The following SENP3 variants were observed in gnomAD, a reference collection of about 807,000 sequenced individuals.
The protein encoded by SENP3 is SUMO specific peptidase 3, also known as sentrin-specific protease 3.
SENP3 carries 11 observed loss-of-function variants against 66.2 expected under a neutral mutation model. The ratio of observed to expected loss-of-function variants is 0.17; its 90% CI spans 0.10 to 0.28. The LOEUF (loss-of-function observed/expected upper bound fraction) is 0.28. Among genes scored for constraint, SENP3 ranks in the 10% least tolerant of loss-of-function variants. SENP3 has a pLI of 1.00. For missense variants in SENP3, 548 were observed against 743.7 expected (o/e 0.74, Z 3.06); for synonymous variants, 292 against 277.6 (o/e 1.05, Z -0.52).
At chr17:7,564,351 A>AATATCCC (rs2071250395) in intron 2 of SENP3, 1 of 588,312 alleles carries the variant, frequency 1.7e-6, no homozygotes, top group Admixed American at 2.3e-5. Flanking sequence ...AGTGGTGACA[A>AATATCCC]ATATCCCGAA....
At chr17:7,565,988 A>G (rs1387128855) in intron 6 of SENP3, 7 of 503,928 alleles carry the variant, frequency 1.4e-5, no homozygotes, top group Admixed American at 1.3e-4. Flanking sequence ...GGCCAGCCCC[A>G]AGGATTGGGA....
intron 4 of SENP3, 159 bp downstream of exon 4, chr17:7,565,229 G>A: frequency 1.3e-6 from 1 of 789,714 alleles, no homozygotes; most frequent in East Asian, 2.7e-5. Context: ...GGAAGCTGAT[G>A]GGAGAGTCTT....
rs2071243114 is a variant in SENP3, at chr17:7,563,709, G to A, written c.633G>A (p.Gly211=). 9.3e-6 allele frequency: 15 copies of A among 1,612,924 alleles called. No homozygotes were observed. Among genetic ancestry groups the A allele is most frequent in the Non-Finnish European group, 1.2e-5 (14 of 1,179,812 alleles). The change falls in exon 2 of 11, where the codon GGG becomes GGA. Residue 211 remains glycine (G), a synonymous_variant. Coordinates refer to ENST00000321337, the MANE Select transcript of SENP3 (RefSeq NM_015670.6). ...GALMAEDGVR[G]SPPVPSGPPM... ...TCATGGCTGAGGATGGGGTGAGAGG[G>A]TCTCCACCAGTGCCCTCTGGGCCCC...
rs976646608 is a variant in SENP3, at chr17:7,564,395, C to G, written c.716-230C>G. 4.3e-6 allele frequency: 3 copies of G among 700,958 alleles called. No individual in the cohort carries two copies. The Admixed American group carries it at 6.5e-5, about 15-fold the overall frequency. 43.4% of individuals were successfully genotyped at this position (700,958 alleles called of 1,614,324 possible). The stretch of plus-strand genomic sequence containing the variant: ...TTCTAAATGCTAATCCTTTTTCTTT[C>G]TTCCTGTCTATGAGTAGGAACTCTC... On this transcript the variant is annotated intron_variant, in intron 2 of 10. Coordinates refer to ENST00000321337, the MANE Select transcript of SENP3 (RefSeq NM_015670.6).
rs746904318 is a variant in SENP3 at position 7,563,600 on chromosome 17, C to T, written c.524C>T (p.Ala175Val). ...KNHLSPQQGG[A>V]TPQVPSPCCR... ...CATCTTTCACCCCAGCAAGGGGGTG[C>T]GACGCCACAGGTGCCATCCCCCTGT... is the stretch of plus-strand genomic sequence containing the variant. The change falls in exon 2 of 11, where the codon GCG becomes GTG. Residue 175 changes from alanine (A) to valine (V), a missense_variant. Ala to Val is a moderately conservative substitution (Grantham distance 64). This residue lies in a region of SENP3 where 215 missense variants were observed against 230.7 expected (regional missense o/e 0.93). Coordinates refer to ENST00000321337, the MANE Select transcript of SENP3 (RefSeq NM_015670.6). 5 of 1,575,362 alleles carry T rather than the reference C, an allele frequency of 3.2e-6. No individual in the cohort carries two copies. Among genetic ancestry groups the T allele is most frequent in the Non-Finnish European group, 3.4e-6 (4 of 1,161,978 alleles).
chr17:7,564,984 G>A lies in SENP3; in HGVS notation c.981G>A (p.Thr327=), dbSNP rs1288074511. The A allele has an allele frequency of 5.6e-6, 9 of 1,613,268 alleles. No individual in the cohort carries two copies. The highest frequency in any genetic ancestry group is 2.7e-5 in the African/African-American group (2 of 74,898). ...GCATCTTGGACGAATTCCTTCAAACGTATGGCAGCCTCATACCCCTCAGCA... is the reference window on the plus strand; with the variant it reads ...GCATCTTGGACGAATTCCTTCAAACATATGGCAGCCTCATACCCCTCAGCA... ...VQSILDEFLQ[T]YGSLIPLSTD... Residue 327 remains threonine (T), a synonymous_variant, in exon 4 of 11, where the codon ACG becomes ACA. Transcript: ENST00000321337.
rs2071245991 is a variant in SENP3, at chr17:7,563,935, A to G, written c.715+144A>G. 5.6e-6 allele frequency: 4 copies of G among 716,926 alleles called. No homozygotes were observed. In the South Asian group the frequency reaches 7.7e-5, roughly 14 times the overall value. 44.4% of individuals were successfully genotyped at this position (716,926 alleles called of 1,614,324 possible). On this transcript the variant is annotated intron_variant, in intron 2 of 10. Transcript: ENST00000321337. ...GTGCCGGCTCCAGAAGAGCTGCGAA[A>G]TGTCTCCATTAAGCCCCACTTTGAG...
Position 7,570,870 on chromosome 17 carries a change from T to G in SENP3, c.1564-13T>G, listed in dbSNP as rs375549203. On this transcript the variant is annotated splice_polypyrimidine_tract_variant and intron_variant, in intron 9 of 10. Coordinates refer to ENST00000321337, the MANE Select transcript of SENP3 (RefSeq NM_015670.6). This position sits in a 1 kb window ranked among gnomAD's most constrained non-coding sequence, Gnocchi z 5.4. ...TCTCCATGTGAAGGGCCTGCTTTCT[T>G]TCTCTTCTCTAGAATGTGGCCAGGC... 8 of 1,612,600 alleles carry G rather than the reference T, an allele frequency of 5.0e-6. No individual in the cohort carries two copies. In the East Asian group the frequency reaches 1.6e-4, roughly 31 times the overall value.
Position 7,562,732 on chromosome 17 carries a change from G to A in SENP3, c.-11-334G>A, listed in dbSNP as rs2071229176. Among the ~76,000 whole-genome samples the A allele has an allele frequency of 6.6e-6, 1 of 152,130 alleles. No individual in the cohort carries two copies. Among genetic ancestry groups the A allele is most frequent in the Non-Finnish European group, 1.5e-5 (1 of 68,012 alleles). ...CCTGAGGAAAGAAACTGCCCTTGTT[G>A]GGCCCTCAAAGGACAGCCCTGGTGG... is the stretch of plus-strand genomic sequence containing the variant. On this transcript the variant is annotated intron_variant, in intron 1 of 10. Transcript: ENST00000321337. This position sits in a 1 kb window ranked among gnomAD's most constrained non-coding sequence, Gnocchi z 5.0.
intron 6 of SENP3, chr17:7,565,991 G>A (rs529978041): frequency 6.7e-4 from 329 of 493,068 alleles, no homozygotes; most frequent in Non-Finnish European, 1.1e-3. Context: ...CAGCCCCAAG[G>A]ATTGGGATGG....
chr17:7,568,347 C>T (rs1425965365), intron 7 of SENP3, among the ~76,000 whole-genome samples: 6 of 152,240 alleles, frequency 3.9e-5, no homozygotes, highest in South Asian at 2.1e-4. Context: ...CCTGTACTCC[C>T]GGCACTTTGG....
Position 7,570,591 on chromosome 17 carries a change from C to G in SENP3, c.1480-90C>G. 1.3e-6 allele frequency: 2 copies of G among 1,567,926 alleles called. No homozygotes were observed. The highest frequency in any genetic ancestry group is 1.1e-5 in the South Asian group (1 of 87,146). ...GGGCTTTGGGTCTTTGAGGGGCGAC[C>G]TGGGCATGGTGTCTGCCAGCACTGT... On this transcript the variant is annotated intron_variant, in intron 8 of 10. Coordinates refer to ENST00000321337, the MANE Select transcript of SENP3 (RefSeq NM_015670.6). The surrounding 1 kb of genome is among the most constrained non-coding windows in gnomAD (Gnocchi z 5.4).
At position 7,570,661 on chromosome 17, in the gene SENP3, C is replaced by CT; in HGVS notation, c.1480-16dup. On this transcript the variant is annotated intron_variant, in intron 8 of 10. Coordinates refer to ENST00000321337, the MANE Select transcript of SENP3 (RefSeq NM_015670.6). The surrounding 1 kb of genome is among the most constrained non-coding windows in gnomAD (Gnocchi z 5.4). ...ATTGAGAAACTTAGGGCATCACTTT[C>CT]TTTTCCCCCATCCACATAGCATATT... The CT allele has an allele frequency of 6.2e-7, 1 of 1,608,908 alleles. No homozygotes were observed.
intron 2 of SENP3, 47 bp downstream of exon 2, chr17:7,563,838 G>A: frequency 6.8e-7 from 1 of 1,466,050 alleles, no homozygotes; most frequent in Non-Finnish European, 9.1e-7. Flanking sequence ...GGTTAGGGAG[G>A]GTTAAGAGCC....
Position 7,563,070 on chromosome 17 carries a change from C to T in SENP3, c.-7C>T, listed in dbSNP as rs779794205. On this transcript the variant is annotated 5_prime_UTR_variant, in exon 2 of 11. Transcript: ENST00000321337. ...CCCTGATCTTTTGTTTTTCAGGGTA[C>T]TGGAAGATGAAAGAGACTATACAAG... is the stretch of plus-strand genomic sequence containing the variant. 2.7e-6 allele frequency: 4 copies of T among 1,486,966 alleles called. No individual in the cohort carries two copies. The African/African-American group carries it at 4.3e-5, about 16-fold the overall frequency. 92.1% of individuals were successfully genotyped at this position (1,486,966 alleles called of 1,614,324 possible).
Position 7,571,592 on chromosome 17 carries a change from T to G in SENP3, c.*109T>G. The G allele has an allele frequency of 1.4e-6, 1 of 696,676 alleles. No homozygotes were observed. Among genetic ancestry groups the G allele is most frequent in the Non-Finnish European group, 2.5e-6 (1 of 404,656 alleles). The allele number at this position is 696,676 out of a possible 1,614,324, so 43.2% of individuals were successfully genotyped here. Reference sequence around the variant, plus strand: ...CTTGCCTCTTCCCACTCACTTCCCTTTGGTTTTTCATATTTAAATGTTTCA... The same window carrying G: ...CTTGCCTCTTCCCACTCACTTCCCTGTGGTTTTTCATATTTAAATGTTTCA... On this transcript the variant is annotated 3_prime_UTR_variant, in exon 11 of 11. Transcript: ENST00000321337.
chr17:7,570,722 C>T lies in SENP3; in HGVS notation c.1521C>T (p.Asp507=), dbSNP rs777633328. ...KYLQAEAVKK[D]RLDFHQGWKG... is the part of the protein sequence containing the mutation. ...TACAGGCAGAGGCGGTAAAGAAAGACCGACTGGATTTCCACCAGGGCTGGA... is the reference window on the plus strand; with the variant it reads ...TACAGGCAGAGGCGGTAAAGAAAGATCGACTGGATTTCCACCAGGGCTGGA... Residue 507 remains aspartate, a synonymous_variant, in exon 9 of 11, where the codon GAC becomes GAT. Coordinates refer to ENST00000321337, the MANE Select transcript of SENP3 (RefSeq NM_015670.6). The surrounding 1 kb of genome is among the most constrained non-coding windows in gnomAD (Gnocchi z 5.4). 1.2e-6 allele frequency: 2 copies of T among 1,612,856 alleles called. No individual in the cohort carries two copies. Among genetic ancestry groups the T allele is most frequent in the Admixed American group, 1.7e-5 (1 of 59,856 alleles).
intron 7 of SENP3, among the ~76,000 whole-genome samples, chr17:7,567,758 C>T (rs1175355757): frequency 1.3e-5 from 2 of 152,106 alleles, no homozygotes; most frequent in South Asian, 2.1e-4. Flanking sequence ...ATACAAAATT[C>T]GGTCAGAGAG....
intron 4 of SENP3, 117 bp from the exon 5 acceptor site, chr17:7,565,323 C>T (rs1454917645): frequency 3.2e-6 from 4 of 1,258,894 alleles, no homozygotes; most frequent in African/African-American, 3.0e-5. Flanking sequence ...TCAGAAGGAC[C>T]CATCATGAGC....
Sources: gnomAD v4.1 joint callset for allele counts (sites outside exome capture counted in the v4.1 genomes callset) on GRCh38, gnomAD v4.1.1 for gene constraint, gnomAD v4.1.1 regional missense constraint, Gnocchi (gnomAD v3.1) non-coding constraint, MANE v1.5 for transcripts, NCBI Gene and HGNC (gene_info 2026-07-23, HGNC 2026-07-21) for gene names.